The following DAB1 variants were observed in gnomAD, a reference collection of about 807,000 sequenced individuals.
The protein encoded by DAB1 is disabled homolog 1.
A neutral mutation model predicts 64.6 loss-of-function variants in DAB1; 15 were observed. The ratio of observed to expected loss-of-function variants is 0.23; its 90% CI spans 0.16 to 0.36. DAB1 has a LOEUF of 0.36. DAB1 is among the 10% of genes least tolerant of loss of function. DAB1 has a pLI of 1.00. For synonymous variants in DAB1, 235 were observed against 251.9 expected, an observed-to-expected ratio of 0.93 and a Z score of 0.64; for missense variants, 596 against 706.7, an observed-to-expected ratio of 0.84 and a Z score of 1.78.
At chr1:58,514,363 G>C (rs976182593) in intron 2 of DAB1, among the ~76,000 whole-genome samples, 10 of 152,138 alleles carry the variant, frequency 6.6e-5, no homozygotes, top group African/African-American at 2.4e-4. Flanking sequence ...AGAGAAATAT[G>C]TATAAATAGA....
At chr1:57,793,528 G>A (rs1650702328) in intron 6 of DAB1, among the ~76,000 whole-genome samples, 1 of 152,134 alleles carries the variant, frequency 6.6e-6, no homozygotes, top group African/African-American at 2.4e-5. Flanking sequence ...CTGGTACTGA[G>A]GAACTTCCAG....
At chr1:58,005,008 CCT>C (rs1285143709) in intron 5 of DAB1, among the ~76,000 whole-genome samples, 1 of 152,010 alleles carries the variant, frequency 6.6e-6, no homozygotes, top group Non-Finnish European at 1.5e-5. Flanking sequence ...AGGAATTGAC[CCT>C]GTTTTCCAGA....
rs1041231667 is a variant in DAB1 at position 58,417,627 on chromosome 1, T to A, written n.258-74224A>T. On this transcript the variant is annotated intron_variant and non_coding_transcript_variant, in intron 3 of 20. Coordinates refer to the DAB1 transcript ENST00000485760. ...TGCCAGTCTATAGGTTGCCTCTCCA[T>A]CCCATTTGGCTTCTCAGCTTTTCCA... Among the ~76,000 whole-genome samples the A allele has an allele frequency of 2.6e-5, 4 of 152,206 alleles. No individual in the cohort carries two copies. In the South Asian group the frequency reaches 8.3e-4, roughly 32 times the overall value.
chr1:58,379,672 C>T (rs1490725449), intron 3 of DAB1, among the ~76,000 whole-genome samples: 1 of 152,228 alleles, frequency 6.6e-6, no homozygotes, highest in Non-Finnish European at 1.5e-5. Flanking sequence ...GGTGAAAACA[C>T]AGTTCTTCCC....
At chr1:58,265,141 A>T (rs1569580859) in intron 4 of DAB1, among the ~76,000 whole-genome samples, 1 of 152,188 alleles carries the variant, frequency 6.6e-6, no homozygotes, top group East Asian at 1.9e-4. Flanking sequence ...CTTTACACAC[A>T]ATATTTATAA....
chr1:57,104,969 T>G (rs980986486), intron 4 of DAB1, among the ~76,000 whole-genome samples: 49 of 152,158 alleles, frequency 3.2e-4, no homozygotes, highest in African/African-American at 1.1e-3. Context: ...ATTCTAAGCC[T>G]TTTTCCCAGG....
At chr1:58,448,705 A>G (rs1428715119) in intron 3 of DAB1, among the ~76,000 whole-genome samples, 1 of 152,208 alleles carries the variant, frequency 6.6e-6, no homozygotes, top group Non-Finnish European at 1.5e-5. Flanking sequence ...GATGACTATA[A>G]CTAGGGATCC....
intron 5 of DAB1, among the ~76,000 whole-genome samples, chr1:58,069,608 C>T (rs1382473991): frequency 6.6e-6 from 1 of 152,170 alleles, no homozygotes; most frequent in Non-Finnish European, 1.5e-5. Context: ...GAGGAGTCTG[C>T]TCTGTGACTG....
At chr1:58,523,882 G>C (rs1646307777) in intron 2 of DAB1, among the ~76,000 whole-genome samples, 1 of 152,122 alleles carries the variant, frequency 6.6e-6, no homozygotes, top group Admixed American at 6.5e-5. Context: ...CTGGGTGACA[G>C]AGCGAGACTC....
At chr1:57,207,589 G>A (rs1002692758) in intron 2 of DAB1, among the ~76,000 whole-genome samples, 4 of 146,960 alleles carry the variant, frequency 2.7e-5, no homozygotes, top group African/African-American at 7.5e-5. Context: ...GACTACAGGC[G>A]CCCGCCACTA....
At chr1:57,166,497 A>T (rs1425010819) in intron 2 of DAB1, among the ~76,000 whole-genome samples, 1 of 152,216 alleles carries the variant, frequency 6.6e-6, no homozygotes, top group Non-Finnish European at 1.5e-5. Flanking sequence ...AGTTCAGAAC[A>T]ATAGAAGTCA....
chr1:57,120,714 T>C (rs1352158548), intron 4 of DAB1, among the ~76,000 whole-genome samples: 2 of 152,200 alleles, frequency 1.3e-5, no homozygotes, highest in Non-Finnish European at 2.9e-5. Flanking sequence ...CATATAATAT[T>C]TGTCCCTTTT....
intron 5 of DAB1, among the ~76,000 whole-genome samples, chr1:57,995,388 G>C (rs1646408953): frequency 6.6e-6 from 1 of 152,138 alleles, no homozygotes; most frequent in East Asian, 1.9e-4. Flanking sequence ...GGACTCTTTT[G>C]GGGAGAAAGT....
At chr1:57,361,381 G>A (rs1486235281) in intron 1 of DAB1, among the ~76,000 whole-genome samples, 2 of 152,076 alleles carry the variant, frequency 1.3e-5, no homozygotes, top group South Asian at 4.1e-4. Context: ...ACATATGTAT[G>A]TAACATCTCT....
intron 3 of DAB1, among the ~76,000 whole-genome samples, chr1:58,435,186 A>G (rs922065841): frequency 6.6e-6 from 1 of 151,938 alleles, no homozygotes; most frequent in Non-Finnish European, 1.5e-5. Context: ...GCTTTTGTCT[A>G]TTTCCCCATA....
intron 5 of DAB1, among the ~76,000 whole-genome samples, chr1:58,081,591 A>G (rs1013126459): frequency 6.6e-6 from 1 of 152,250 alleles, no homozygotes; most frequent in Non-Finnish European, 1.5e-5. Context: ...AGTATCCCCA[A>G]CCACTGTGGG....
chr1:57,298,345 T>C (rs1377487895), intron 1 of DAB1, among the ~76,000 whole-genome samples: 1 of 152,178 alleles, frequency 6.6e-6, no homozygotes, highest in East Asian at 1.9e-4. Context: ...TGAGAGACGC[T>C]GTATCTTTCT....
chr1:58,536,376 G>C, intron 1 of DAB1: 1 of 611,868 alleles, frequency 1.6e-6, no homozygotes, highest in Non-Finnish European at 2.9e-6. Context: ...AAAGGTCTGA[G>C]GCCTTCGGGA....
chr1:57,445,641 A>G (rs1686111509), intron 7 of DAB1, among the ~76,000 whole-genome samples: 1 of 152,238 alleles, frequency 6.6e-6, no homozygotes, highest in African/African-American at 2.4e-5. Context: ...TCCAAGAGAG[A>G]ATATCGACAT....
Sources: gnomAD v4.1 joint callset for allele counts (sites outside exome capture counted in the v4.1 genomes callset) on GRCh38, gnomAD v4.1.1 for gene constraint, MANE v1.5 for transcripts, NCBI Gene and HGNC (gene_info 2026-07-23, HGNC 2026-07-21) for gene names.